BTBD9: variants seen among roughly 807,000 people sequenced by gnomAD.
The protein encoded by BTBD9 is BTB/POZ domain-containing protein 9.
Under a neutral mutation model 64.3 loss-of-function variants are expected in BTBD9, and 49 were observed. That is an observed-to-expected ratio of 0.76 (90% CI 0.61 to 0.97). The LOEUF (loss-of-function observed/expected upper bound fraction) is 0.97, where lower values mean the gene tolerates loss of function less well. Ranked by LOEUF, BTBD9 falls within the 50% of genes least tolerant of loss-of-function variation. BTBD9 has a pLI of 0.00. For synonymous variants in BTBD9, 260 were observed against 274.7 expected, an observed-to-expected ratio of 0.95 and a Z score of 0.53; for missense variants, 598 against 762.1, an observed-to-expected ratio of 0.78 and a Z score of 2.53.
chr6:38,406,109 C>T (rs1202321201), intron 6 of BTBD9, among the ~76,000 whole-genome samples: 1 of 152,136 alleles, frequency 6.6e-6, no homozygotes, highest in African/African-American at 2.4e-5. Flanking sequence ...AACACACATT[C>T]ATAGGTCTTT....
intron 6 of BTBD9, among the ~76,000 whole-genome samples, chr6:38,416,128 T>C (rs749456405): frequency 4.6e-5 from 7 of 152,130 alleles, no homozygotes; most frequent in Non-Finnish European, 1.0e-4. Flanking sequence ...CACTTCTGAT[T>C]AGCCACTGGG....
rs138046887 is a variant in BTBD9, at chr6:38,628,475, A to G, written c.-28+11325T>C. Among the ~76,000 whole-genome samples the G allele has an allele frequency of 2.5e-3, 379 of 152,342 alleles. 2 individuals carry two copies. Among genetic ancestry groups the G allele is most frequent in the African/African-American group, 8.8e-3 (367 of 41,582 alleles). The stretch of plus-strand genomic sequence containing the variant: ...TTCTGGGTACATTAAGAGTATACAA[A>G]TAAGTAAATATGTTGTCAATAAAGG... On this transcript the variant is annotated intron_variant, in intron 1 of 10. Transcript: ENST00000481247.
At chr6:38,179,720 C>T (rs1402149902) in intron 10 of BTBD9, 2 of 456,622 alleles carry the variant, frequency 4.4e-6, no homozygotes, top group East Asian at 1.4e-4. Flanking sequence ...TGGACTGTTC[C>T]ACTGTATCAA....
chr6:38,243,882 T>C (rs767466600), intron 9 of BTBD9, among the ~76,000 whole-genome samples: 1 of 152,142 alleles, frequency 6.6e-6, no homozygotes, highest in African/African-American at 2.4e-5. Context: ...CCCTTTTCCT[T>C]CTTCTTTTTT....
At chr6:38,428,664 A>G (rs1768291655) in intron 6 of BTBD9, among the ~76,000 whole-genome samples, 1 of 151,018 alleles carries the variant, frequency 6.6e-6, no homozygotes, top group African/African-American at 2.5e-5. Context: ...TTCCCAAACA[A>G]CTGTTAAATA....
chr6:38,423,383 C>A (rs1016137710), intron 6 of BTBD9, among the ~76,000 whole-genome samples: 1 of 152,090 alleles, frequency 6.6e-6, no homozygotes. Context: ...CAGCTCACTG[C>A]CACTTCCGCC....
At chr6:38,345,229 T>G in intron 6 of BTBD9, 136 bp from the exon 7 acceptor site, 1 of 517,750 alleles carries the variant, frequency 1.9e-6, no homozygotes, top group South Asian at 3.5e-5. Context: ...GAGCTTGACT[T>G]CAGACTCTAT....
chr6:38,604,818 A>G (rs571069858), intron 1 of BTBD9, among the ~76,000 whole-genome samples: 5 of 152,326 alleles, frequency 3.3e-5, no homozygotes, highest in Admixed American at 1.3e-4. Context: ...GGAGACTGCA[A>G]TACAAACCAC....
chr6:38,358,185 G>A (rs185214599), intron 6 of BTBD9, among the ~76,000 whole-genome samples: 49 of 151,844 alleles, frequency 3.2e-4, no homozygotes, highest in African/African-American at 1.1e-3. Flanking sequence ...TCCCCTTCCC[G>A]CTCTCTCCAG....
chr6:38,518,239 G>C (rs1773126789), intron 6 of BTBD9, among the ~76,000 whole-genome samples: 1 of 152,094 alleles, frequency 6.6e-6, no homozygotes, highest in Non-Finnish European at 1.5e-5. Flanking sequence ...TGTAACAGAT[G>C]TTGTTGCCTA....
chr6:38,550,209 T>C (rs914580659), intron 6 of BTBD9, among the ~76,000 whole-genome samples: 1 of 152,206 alleles, frequency 6.6e-6, no homozygotes, highest in African/African-American at 2.4e-5. Flanking sequence ...TTCCAAAACC[T>C]ATTCTTCACA....
At chr6:38,302,177 A>G (rs1762428256) in intron 7 of BTBD9, among the ~76,000 whole-genome samples, 1 of 152,106 alleles carries the variant, frequency 6.6e-6, no homozygotes, top group Non-Finnish European at 1.5e-5. Flanking sequence ...ACAGTGCAAC[A>G]CTGTTAACCA....
At chr6:38,208,191 G>A (rs1015541725) in intron 9 of BTBD9, among the ~76,000 whole-genome samples, 2 of 152,142 alleles carry the variant, frequency 1.3e-5, no homozygotes, top group Non-Finnish European at 1.5e-5. Flanking sequence ...CGGCAGTGAC[G>A]GCGGTGCCCT....
chr6:38,300,639 C>G (rs1408269501), intron 7 of BTBD9, among the ~76,000 whole-genome samples: 1 of 152,152 alleles, frequency 6.6e-6, no homozygotes, highest in Non-Finnish European at 1.5e-5. Context: ...TGGGAGTTCA[C>G]TCATGATTTG....
intron 7 of BTBD9, among the ~76,000 whole-genome samples, chr6:38,319,297 C>T (rs923543606): frequency 5.9e-5 from 9 of 152,168 alleles, no homozygotes; most frequent in African/African-American, 2.2e-4. Context: ...GTTGCTCTAC[C>T]TATAAAATAA....
intron 6 of BTBD9, among the ~76,000 whole-genome samples, chr6:38,474,587 C>T (rs1582489877): frequency 6.6e-6 from 1 of 152,102 alleles, no homozygotes; most frequent in South Asian, 2.1e-4. Context: ...AAGGAAAGAG[C>T]TGAGAGTAAC....
intron 6 of BTBD9, among the ~76,000 whole-genome samples, chr6:38,352,982 C>G (rs2127593763): frequency 6.6e-6 from 1 of 152,270 alleles, no homozygotes; most frequent in Admixed American, 6.5e-5. Context: ...ATTAAAAAAT[C>G]AAATAATTAT....
intron 9 of BTBD9, among the ~76,000 whole-genome samples, chr6:38,195,315 T>A (rs1762238312): frequency 6.6e-6 from 1 of 152,180 alleles, no homozygotes. Flanking sequence ...TTTATTGGGC[T>A]TTATTGATAG....
chr6:38,402,502 T>C (rs1425452272), intron 6 of BTBD9, among the ~76,000 whole-genome samples: 1 of 152,072 alleles, frequency 6.6e-6, no homozygotes, highest in African/African-American at 2.4e-5. Flanking sequence ...ACCAACAGAA[T>C]AAAATTGAGA....
Sources: allele counts gnomAD v4.1 joint callset (sites outside exome capture counted in the v4.1 genomes callset), GRCh38; gene constraint gnomAD v4.1.1; transcripts MANE v1.5; gene names NCBI Gene and HGNC (gene_info 2026-07-23, HGNC 2026-07-21).